FRMD4A: variants seen among roughly 807,000 people sequenced by gnomAD.
FRMD4A encodes the protein FERM domain-containing protein 4A.
In FRMD4A, 29 loss-of-function variants were observed where a neutral mutation model predicts 129.1. That is an observed-to-expected ratio of 0.22 (90% CI 0.17 to 0.31). The LOEUF (loss-of-function observed/expected upper bound fraction) is 0.31. Ranked by LOEUF, FRMD4A falls within the 10% of genes least tolerant of loss-of-function variation. The pLI is 1.00. For missense variants in FRMD4A, 1,272 were observed against 1,375.8 expected, an observed-to-expected ratio of 0.92 and a Z score of 1.19; for synonymous variants, 634 against 571.6, an observed-to-expected ratio of 1.11 and a Z score of -1.56.
At chr10:13,711,088 ACTTCT>A (rs2087968950) in intron 12 of FRMD4A, among the ~76,000 whole-genome samples, 1 of 152,148 alleles carries the variant, frequency 6.6e-6, no homozygotes, top group South Asian at 2.1e-4. Context: ...GCCTGATCTG[ACTTCT>A]CTTCACTTAG....
chr10:13,899,277 T>C (rs1278227653), intron 2 of FRMD4A, among the ~76,000 whole-genome samples: 1 of 152,256 alleles, frequency 6.6e-6, no homozygotes, highest in Non-Finnish European at 1.5e-5. Context: ...ACTAACATTG[T>C]GGTGAGTATG....
At chr10:13,860,942 G>A (rs1219218780) in intron 2 of FRMD4A, among the ~76,000 whole-genome samples, 2 of 152,114 alleles carry the variant, frequency 1.3e-5, no homozygotes, top group African/African-American at 4.8e-5. Flanking sequence ...TTTCTCTCAT[G>A]CGCCACGGGA....
At chr10:14,114,349 T>C (rs1024977129) in intron 2 of FRMD4A, among the ~76,000 whole-genome samples, 11 of 152,170 alleles carry the variant, frequency 7.2e-5, no homozygotes, top group Non-Finnish European at 1.5e-4. Flanking sequence ...CTCACTTCCA[T>C]TGATTTCAAA....
chr10:13,741,881 G>T (rs1031000373), intron 9 of FRMD4A, among the ~76,000 whole-genome samples: 1 of 152,112 alleles, frequency 6.6e-6, no homozygotes, highest in Non-Finnish European at 1.5e-5. Context: ...TTTTTGAGAC[G>T]CAGTCTCCCT....
intron 2 of FRMD4A, among the ~76,000 whole-genome samples, chr10:13,860,095 GA>G (rs2094273157): frequency 1.3e-5 from 2 of 152,186 alleles, no homozygotes; most frequent in South Asian, 4.2e-4. Flanking sequence ...ATCCTTTGAA[GA>G]ACAAGCCTTC....
chr10:14,285,230 C>T (rs1224597489), intron 2 of FRMD4A, among the ~76,000 whole-genome samples: 2 of 152,186 alleles, frequency 1.3e-5, no homozygotes, highest in African/African-American at 4.8e-5. Context: ...CTGCTCCAAC[C>T]CACCTTTCCT....
chr10:14,240,285 G>C (rs1843995464), intron 2 of FRMD4A, among the ~76,000 whole-genome samples: 1 of 152,160 alleles, frequency 6.6e-6, no homozygotes, highest in Non-Finnish European at 1.5e-5. Context: ...GCTGCTGCAT[G>C]ACGGCCATTT....
intron 2 of FRMD4A, among the ~76,000 whole-genome samples, chr10:14,058,098 T>C (rs1834628066): frequency 3.9e-5 from 6 of 152,192 alleles, no homozygotes; most frequent in Admixed American, 3.9e-4. Context: ...TTCTGGTTCC[T>C]CCAATGAGTA....
At chr10:14,108,731 G>T (rs963015924) in intron 2 of FRMD4A, among the ~76,000 whole-genome samples, 1 of 152,164 alleles carries the variant, frequency 6.6e-6, no homozygotes, top group African/African-American at 2.4e-5. Flanking sequence ...AAGAATCAAT[G>T]ATATGCCCCT....
chr10:13,900,670 G>A (rs983299526), intron 2 of FRMD4A, among the ~76,000 whole-genome samples: 1 of 152,112 alleles, frequency 6.6e-6, no homozygotes, highest in African/African-American at 2.4e-5. Flanking sequence ...GTCGAGGTGG[G>A]TGGATCAATT....
intron 6 of FRMD4A, among the ~76,000 whole-genome samples, chr10:13,766,746 C>G (rs1199696803): frequency 6.6e-6 from 1 of 152,118 alleles, no homozygotes; most frequent in Non-Finnish European, 1.5e-5. Context: ...CTCTAGACTT[C>G]CGGCTTACTC....
chr10:13,823,349 G>T (rs1297149111), intron 3 of FRMD4A, among the ~76,000 whole-genome samples: 1 of 152,222 alleles, frequency 6.6e-6, no homozygotes, highest in Non-Finnish European at 1.5e-5. Context: ...CACCAGGACT[G>T]TGAGTCTAGC....
intron 2 of FRMD4A, among the ~76,000 whole-genome samples, chr10:14,243,144 A>G (rs1229114358): frequency 6.6e-6 from 1 of 152,210 alleles, no homozygotes; most frequent in Non-Finnish European, 1.5e-5. Context: ...CTATGCTACA[A>G]CACAAATAAA....
At chr10:14,093,123 CTG>C (rs1836752872) in intron 2 of FRMD4A, among the ~76,000 whole-genome samples, 3 of 152,224 alleles carry the variant, frequency 2.0e-5, no homozygotes, top group African/African-American at 7.2e-5. Context: ...CGTGGAATGA[CTG>C]TGCCTGCCTT....
chr10:13,666,648 G>A (rs1368201732), intron 17 of FRMD4A, among the ~76,000 whole-genome samples: 1 of 152,158 alleles, frequency 6.6e-6, no homozygotes, highest in African/African-American at 2.4e-5. Flanking sequence ...CAAAGCCTTT[G>A]GAGAGATTCA....
intron 2 of FRMD4A, among the ~76,000 whole-genome samples, chr10:14,220,792 GTGTGTGTGTGTGTGTGTGTT>G (rs1007563974): frequency 6.4e-5 from 3 of 47,116 alleles, no homozygotes; most frequent in Non-Finnish European, 2.0e-4. Flanking sequence ...GCGTGTGTGT[GTGTGTGTGTGTGTGTGTGTT>G]TGTGTGTGTG....
chr10:13,810,833 T>A lies in FRMD4A; in HGVS notation c.187A>T (p.Ile63Leu). 6.3e-7 allele frequency: 1 copy of A among 1,585,042 alleles called. No homozygotes were observed. The highest frequency in any genetic ancestry group is 8.7e-7 in the Non-Finnish European group (1 of 1,154,220). ...ACTTACGTTTCATCTGTGAATGCTATTCCAAAGTACTCCTTTTCCTTCAGA... is the reference window on the plus strand; with the variant it reads ...ACTTACGTTTCATCTGTGAATGCTAATCCAAAGTACTCCTTTTCCTTCAGA... ...FNLKEKEYFG[I>L]AFTDETGHLN... Residue 63 changes from isoleucine to leucine, a missense_variant, in exon 4 of 25, where the codon ATA (isoleucine) becomes TTA (leucine). Coordinates refer to ENST00000357447, the MANE Select transcript of FRMD4A (RefSeq NM_018027.5).
intron 2 of FRMD4A, among the ~76,000 whole-genome samples, chr10:13,930,432 G>A (rs1397502350): frequency 6.6e-6 from 1 of 152,194 alleles, no homozygotes; most frequent in Admixed American, 6.5e-5. Context: ...TACTTGTCCT[G>A]CGTGAGCCTT....
intron 2 of FRMD4A, among the ~76,000 whole-genome samples, chr10:14,034,154 T>G (rs12245506): frequency 0.23 from 35,502 of 152,192 alleles, 4,330 homozygotes; most frequent in African/African-American, 0.29. Context: ...ACTAAGGACA[T>G]GCTTGGGAGG....
Sources: allele counts gnomAD v4.1 joint callset (sites outside exome capture counted in the v4.1 genomes callset), GRCh38; gene constraint gnomAD v4.1.1; transcripts MANE v1.5; gene names NCBI Gene and HGNC (gene_info 2026-07-23, HGNC 2026-07-21).